GRAMD4: variants seen among roughly 807,000 people sequenced by gnomAD.
GRAMD4 encodes GRAM domain containing 4, also known as GRAM domain-containing protein 4.
A neutral mutation model predicts 83.9 loss-of-function variants in GRAMD4; 25 were observed. That is an observed-to-expected ratio of 0.30 (90% confidence interval 0.22 to 0.42). GRAMD4 has a LOEUF of 0.42. Among genes scored for constraint, GRAMD4 ranks in the 10% least tolerant of loss-of-function variants. GRAMD4 has a pLI of 1.00. For synonymous variants in GRAMD4, 336 were observed against 320.9 expected, an observed-to-expected ratio of 1.05 and a Z score of -0.50; for missense variants, 593 against 788.7, an observed-to-expected ratio of 0.75 and a Z score of 2.97.
chr22:46,601,347 C>T (rs2081310665), intron 1 of GRAMD4, among the ~76,000 whole-genome samples: 1 of 152,074 alleles, frequency 6.6e-6, no homozygotes, highest in African/African-American at 2.4e-5. Context: ...TAGTTTCGAC[C>T]TTGTGGGTCC....
chr22:46,637,144 A>G (rs1050218421), intron 2 of GRAMD4, among the ~76,000 whole-genome samples: 2 of 152,122 alleles, frequency 1.3e-5, no homozygotes, highest in African/African-American at 4.8e-5. Context: ...TGGCTCTGGC[A>G]CGGCCAGCCG....
chr22:46,577,796 T>G lies in GRAMD4; in HGVS notation c.-50+506T>G, dbSNP rs181333025. 5.3e-5 allele frequency among the ~76,000 whole-genome samples: 8 copies of G among 152,322 alleles called. No individual in the cohort carries two copies. In the East Asian group the frequency reaches 1.5e-3, roughly 29 times the overall value. On this transcript the variant is annotated intron_variant, in intron 1 of 1. Transcript: ENST00000431155. ...TCCGTGCACCCCACTTTCTGCCCTG[T>G]CTTCTCTCCCTTTGTTCGGGATGTT... is the stretch of plus-strand genomic sequence containing the variant.
intron 3 of GRAMD4, among the ~76,000 whole-genome samples, chr22:46,643,121 ATGCATCCATCCATGCATCCT>A (rs1569283764): frequency 2.4e-3 from 182 of 75,772 alleles, no homozygotes; most frequent in East Asian, 3.5e-3. Context: ...CCATCCATCC[ATGCATCCATCCATGCATCCT>A]TCCATCCATC....
At chr22:46,643,121 A>ATTCATTTATCCATCCC (rs1569283760) in intron 3 of GRAMD4, among the ~76,000 whole-genome samples, 2 of 75,762 alleles carry the variant, frequency 2.6e-5, no homozygotes, top group African/African-American at 8.9e-5. Context: ...CCATCCATCC[A>ATTCATTTATCCATCCC]TGCATCCATC....
chr22:46,637,700 T>C (rs1294481360), intron 2 of GRAMD4, 140 bp from the exon 3 acceptor site: 2 of 813,476 alleles, frequency 2.5e-6, no homozygotes, highest in African/African-American at 1.7e-5. Context: ...CGTCCCCATG[T>C]CCAGAAACTG....
chr22:46,587,787 G>T (rs1002445228), intron 1 of GRAMD4: 1 of 479,264 alleles, frequency 2.1e-6, no homozygotes. Flanking sequence ...GCTGGCCCCT[G>T]GAGCCTGACC....
intron 3 of GRAMD4, among the ~76,000 whole-genome samples, chr22:46,648,793 TG>T (rs1453354752): frequency 7.7e-6 from 1 of 129,520 alleles, no homozygotes; most frequent in East Asian, 2.4e-4. Context: ...GATGGATGGA[TG>T]GATGGATGCA....
chr22:46,619,236 G>A (rs738231), upstream of GRAMD4, among the ~76,000 whole-genome samples: 119,987 of 152,148 alleles, frequency 0.79, 48,230 homozygotes, highest in East Asian at 1. Flanking sequence ...GGACCCCAGA[G>A]GGCCCAGGGA....
chr22:46,655,332 G>A (rs908485270), intron 3 of GRAMD4, among the ~76,000 whole-genome samples: 2 of 152,246 alleles, frequency 1.3e-5, no homozygotes, highest in East Asian at 3.9e-4. Flanking sequence ...TTGCCAGCCC[G>A]GTGAGGAGTT....
In GRAMD4 at chr22:46,637,975, G is replaced by C. The variant is rs758349763; in HGVS notation, c.283+15G>C. 3 of 1,612,436 alleles carry C rather than the reference G, an allele frequency of 1.9e-6. No individual in the cohort carries two copies. In the South Asian group the frequency reaches 3.3e-5, roughly 18 times the overall value. On this transcript the variant is annotated intron_variant, in intron 3 of 18. Coordinates refer to ENST00000406902, the MANE Select transcript of GRAMD4 (RefSeq NM_015124.5). ...ACATTTCTTACGTGAGTACCAGAAA[G>C]CGCTTGGAGGGGATGGGACAAGGTG... is the stretch of plus-strand genomic sequence containing the variant.
intron 15 of GRAMD4, 108 bp from the exon 16 acceptor site, chr22:46,674,549 C>G: frequency 2.4e-6 from 2 of 818,566 alleles, no homozygotes; most frequent in East Asian, 2.4e-5. Flanking sequence ...GACGTGAGCG[C>G]GGTGGGCGGA....
At chr22:46,585,844 CGG>C (rs1569245017) in intron 1 of GRAMD4, among the ~76,000 whole-genome samples, 47 of 152,158 alleles carry the variant, frequency 3.1e-4, no homozygotes, top group Non-Finnish European at 5.1e-4. Context: ...GGCTTGAGAC[CGG>C]CCTCTCAGGT....
intron 1 of GRAMD4, chr22:46,587,806 A>C (rs2081165310): frequency 1.6e-6 from 1 of 631,134 alleles, no homozygotes; most frequent in South Asian, 6.9e-5. Flanking sequence ...CCTGCCTAAC[A>C]GTGGAGGTGG....
Position 46,678,301 on chromosome 22 carries a change from G to C in GRAMD4, c.*1050G>C. The C allele has an allele frequency of 1.0e-6, 1 of 985,438 alleles. No individual in the cohort carries two copies. Among genetic ancestry groups the C allele is most frequent in the South Asian group, 4.7e-5 (1 of 21,282 alleles). The allele number at this position is 985,438 out of a possible 1,614,324, so 61.0% of individuals were successfully genotyped here. On this transcript the variant is annotated 3_prime_UTR_variant, in exon 19 of 19. Coordinates refer to ENST00000406902, the MANE Select transcript of GRAMD4 (RefSeq NM_015124.5). ...GTGCTTTAGGGAGCAACCGTGAGCC[G>C]AGCCCAGAGGCCTGGGCCTGCACTG...
At chr22:46,611,383 C>T (rs1268909549) in intron 1 of GRAMD4, among the ~76,000 whole-genome samples, 1 of 152,024 alleles carries the variant, frequency 6.6e-6, no homozygotes, top group Non-Finnish European at 1.5e-5. Context: ...TAAGCTGCTT[C>T]TGGGGCTGTC....
At chr22:46,620,094 A>G (rs181529535), upstream of GRAMD4, among the ~76,000 whole-genome samples, 145 of 150,738 alleles carry the variant, frequency 9.6e-4, no homozygotes, top group African/African-American at 3.2e-3. This position sits in a 1 kb window ranked among gnomAD's most constrained non-coding sequence, Gnocchi z 4.7. Context: ...GGCTCAGGGC[A>G]AGCGCCAGAG....
At chr22:46,602,430 C>A (rs1026679096) in intron 1 of GRAMD4, among the ~76,000 whole-genome samples, 68 of 152,220 alleles carry the variant, frequency 4.5e-4, no homozygotes, top group Admixed American at 1.2e-3. Flanking sequence ...GTAGCCCCAA[C>A]GCTTTGCGAG....
rs368573910 is a variant in GRAMD4 at position 46,672,957 on chromosome 22, C to A, written c.1199C>A (p.Pro400Gln). The part of the protein sequence containing the change: ...YIIWRSLPTD[P>Q]QLKERSSAAV... ...ATCTGGAGGAGTCTCCCCACCGACCCGCAGCTCAAGGAGCGCTCCAGCGCC... is the reference window on the plus strand; with the variant it reads ...ATCTGGAGGAGTCTCCCCACCGACCAGCAGCTCAAGGAGCGCTCCAGCGCC... Residue 400 changes from proline to glutamine, a missense_variant, in exon 14 of 19, where the codon CCG (proline) becomes CAG (glutamine). This residue lies in a region of GRAMD4 where 171 missense variants were observed against 199.6 expected (regional missense o/e 0.86). Transcript: ENST00000406902. This position sits in a 1 kb window ranked among gnomAD's most constrained non-coding sequence, Gnocchi z 4.7. 3 of 1,609,392 alleles carry A rather than the reference C, an allele frequency of 1.9e-6. No individual in the cohort carries two copies. The highest frequency in any genetic ancestry group is 2.5e-6 in the Non-Finnish European group (3 of 1,179,548).
rs756488198 is a variant in GRAMD4 at position 46,668,866 on chromosome 22, GCCT to G, written c.1046_1048del (p.Ser349del). 8 of 1,612,130 alleles carry G rather than the reference GCCT, an allele frequency of 5.0e-6. No homozygotes were observed. Among genetic ancestry groups the G allele is most frequent in the African/African-American group, 1.3e-5 (1 of 74,852 alleles). On this transcript the variant is annotated inframe_deletion, in exon 13 of 19. Transcript: ENST00000406902. ...TGTGGCGCTCTGGGCTGCCTTCCTGGCCTCCTGCTTCTTCCCCTACCGCCTGGT... is the reference window on the plus strand; with the variant it reads ...TGTGGCGCTCTGGGCTGCCTTCCTGGCCTGCTTCTTCCCCTACCGCCTGGT...
Sources: allele counts gnomAD v4.1 joint callset (sites outside exome capture counted in the v4.1 genomes callset), GRCh38; gene constraint gnomAD v4.1.1; regional missense constraint gnomAD v4.1.1; non-coding constraint Gnocchi (gnomAD v3.1); transcripts MANE v1.5; gene names NCBI Gene and HGNC (gene_info 2026-07-23, HGNC 2026-07-21).